The following BAZ2B variants were observed in gnomAD, a reference collection of about 807,000 sequenced individuals.
BAZ2B encodes the protein bromodomain adjacent to zinc finger domain protein 2B.
BAZ2B carries 91 observed loss-of-function variants against 246.0 expected under a neutral mutation model. That is an observed-to-expected ratio of 0.37 (90% CI 0.31 to 0.44). The LOEUF is 0.44. BAZ2B is among the 20% of genes least tolerant of loss of function. BAZ2B has a pLI of 1.00. For missense variants in BAZ2B, 2,332 were observed against 2,533.7 expected, an observed-to-expected ratio of 0.92 and a Z score of 1.71; for synonymous variants, 855 against 860.0, an observed-to-expected ratio of 0.99 and a Z score of 0.10.
intron 6 of BAZ2B, chr2:159,444,107 G>C (rs2073894610): frequency 6.6e-6 from 1 of 152,176 alleles, no homozygotes; most frequent in African/African-American, 2.4e-5. Context: ...GTTTCAGTCA[G>C]TGTCTGGCAT....
rs2070960311 is a variant in BAZ2B, at chr2:159,430,801, A to G, written c.2194+62T>C. 4 of 1,546,314 alleles carry G rather than the reference A, an allele frequency of 2.6e-6. No individual in the cohort carries two copies. In the South Asian group the frequency reaches 3.9e-5, roughly 15 times the overall value. ...AGATCATCTCCAGAACACTCTTATC[A>G]ATAAAAATTCTTGCTATGGTTTGAC... On this transcript the variant is annotated intron_variant, in intron 10 of 36. Coordinates refer to ENST00000392783, the MANE Select transcript of BAZ2B (RefSeq NM_013450.4).
chr2:159,708,295 A>T, the BAZ2B span, among the ~76,000 whole-genome samples: 11 of 152,190 alleles, frequency 7.2e-5, no homozygotes. Context: ...GGCCTCATGT[A>T]CTTAAAAACA....
chr2:159,643,033 T>C, the BAZ2B span, among the ~76,000 whole-genome samples: 1 of 152,256 alleles, frequency 6.6e-6, no homozygotes, highest in South Asian at 2.1e-4. Context: ...TAGAATCTTT[T>C]GAATGACAGC....
chr2:159,343,796 G>A (rs1170510315), intron 31 of BAZ2B, among the ~76,000 whole-genome samples: 4 of 152,032 alleles, frequency 2.6e-5, no homozygotes, highest in Non-Finnish European at 5.9e-5. Context: ...GGAGGCTGAG[G>A]CGGGCAGATC....
chr2:159,657,417 T>TTC, the BAZ2B span, among the ~76,000 whole-genome samples: 1 of 152,200 alleles, frequency 6.6e-6, no homozygotes, highest in Non-Finnish European at 1.5e-5. Context: ...TCTAACCTTG[T>TTC]TCTTCAATAT....
chr2:159,708,847 C>G, the BAZ2B span, among the ~76,000 whole-genome samples: 1 of 152,094 alleles, frequency 6.6e-6, no homozygotes, highest in East Asian at 1.9e-4. Context: ...TAGGCTTGAG[C>G]AACTACATCT....
chr2:159,679,319 T>A, the BAZ2B span, among the ~76,000 whole-genome samples: 1 of 151,848 alleles, frequency 6.6e-6, no homozygotes, highest in East Asian at 1.9e-4. Flanking sequence ...GTTCATTCCT[T>A]TTTTATTTCT....
chr2:159,694,734 T>C, the BAZ2B span: 4 of 152,252 alleles, frequency 2.6e-5, no homozygotes, highest in East Asian at 1.9e-4. Flanking sequence ...CATTCATCCA[T>C]TGTTGCACAT....
the BAZ2B span, among the ~76,000 whole-genome samples, chr2:159,634,042 AT>A: frequency 9.2e-5 from 14 of 152,170 alleles, no homozygotes; most frequent in Admixed American, 1.3e-4. Context: ...GCCCAGCCAT[AT>A]TTTCACTGTA....
chr2:159,606,377 G>T (rs983532524), intron 1 of BAZ2B, among the ~76,000 whole-genome samples: 2 of 152,130 alleles, frequency 1.3e-5, no homozygotes, highest in Admixed American at 6.5e-5. Flanking sequence ...TAACAACCCA[G>T]AAACGAAGAA....
At position 159,361,458 on chromosome 2, in the gene BAZ2B, C is replaced by T. The variant is rs1265333707; in HGVS notation, c.4214-11101G>A. On this transcript the variant is annotated intron_variant, in intron 27 of 36. Coordinates refer to ENST00000392783, the MANE Select transcript of BAZ2B (RefSeq NM_013450.4). Reference sequence around the variant, plus strand: ...TTAAAAAGTCAGGAAACAACAGATGCTGGCGAGGCTGTGGAGAAATAGGAA... The same window carrying T: ...TTAAAAAGTCAGGAAACAACAGATGTTGGCGAGGCTGTGGAGAAATAGGAA... 2.0e-5 allele frequency among the ~76,000 whole-genome samples: 3 copies of T among 152,176 alleles called. No homozygotes were observed. The South Asian group carries it at 6.2e-4, about 32-fold the overall frequency.
At chr2:159,576,245 C>T (rs1189734208) in intron 1 of BAZ2B, among the ~76,000 whole-genome samples, 5 of 151,966 alleles carry the variant, frequency 3.3e-5, no homozygotes. Context: ...AATATACCCA[C>T]CTAAAAGAAT....
Position 159,439,162 on chromosome 2 carries a change from T to G in BAZ2B, c.747A>C (p.Ser249=). 1 of 1,614,052 alleles carries G rather than the reference T, an allele frequency of 6.2e-7. No individual in the cohort carries two copies. Among genetic ancestry groups the G allele is most frequent in the Non-Finnish European group, 8.5e-7 (1 of 1,179,950 alleles). ...MESSSNSDSD[S]GTSSDTSSEG... The stretch of plus-strand genomic sequence containing the variant: ...CACTTGAGGTGTCTGATGATGTGCC[T>G]GAATCACTATCACTGTTGCTAGAAC... The change falls in exon 7 of 37, where the codon TCA becomes TCC. Residue 249 remains serine (S), a synonymous_variant. Transcript: ENST00000392783.
chr2:159,322,853 T>C (rs748213989), intron 36 of BAZ2B, among the ~76,000 whole-genome samples: 5 of 152,152 alleles, frequency 3.3e-5, no homozygotes, highest in African/African-American at 4.8e-5. Context: ...TTCGAGGAGC[T>C]TGAATCCACT....
intron 34 of BAZ2B, among the ~76,000 whole-genome samples, chr2:159,326,716 C>G (rs900716656): frequency 2.0e-5 from 3 of 152,082 alleles, no homozygotes; most frequent in African/African-American, 7.2e-5. Flanking sequence ...CATTCTAGCT[C>G]TAGAATTACA....
intron 3 of BAZ2B, among the ~76,000 whole-genome samples, chr2:159,476,122 C>A (rs928665390): frequency 1.3e-5 from 2 of 152,122 alleles, no homozygotes; most frequent in South Asian, 4.1e-4. Context: ...ATGTTTAAGT[C>A]TTTTGAAGCT....
At chr2:159,635,566 C>G in the BAZ2B span, among the ~76,000 whole-genome samples, 1 of 150,494 alleles carries the variant, frequency 6.6e-6, no homozygotes, top group Non-Finnish European at 1.5e-5. Flanking sequence ...AAATTCTATC[C>G]TGTTTGTTAT....
the BAZ2B span, among the ~76,000 whole-genome samples, chr2:159,657,089 G>C: frequency 6.6e-6 from 1 of 152,066 alleles, no homozygotes; most frequent in Non-Finnish European, 1.5e-5. Flanking sequence ...ACGTTCTCCA[G>C]TGTTATCATC....
chr2:159,648,755 T>A, the BAZ2B span, among the ~76,000 whole-genome samples: 1 of 152,348 alleles, frequency 6.6e-6, no homozygotes, highest in South Asian at 2.1e-4. Flanking sequence ...TTTTAGCTAT[T>A]ACAAATCATG....
Sources: gnomAD v4.1 joint callset for allele counts (sites outside exome capture counted in the v4.1 genomes callset) on GRCh38, gnomAD v4.1.1 for gene constraint, MANE v1.5 for transcripts, NCBI Gene and HGNC (gene_info 2026-07-23, HGNC 2026-07-21) for gene names.